UBXN7: variants seen among roughly 807,000 people sequenced by gnomAD.
The protein encoded by UBXN7 is UBX domain protein 7.
In UBXN7, 9 loss-of-function variants were observed where a neutral mutation model predicts 58.0. That is an observed-to-expected ratio of 0.16 (90% confidence interval 0.09 to 0.27). UBXN7 has a LOEUF of 0.27. Ranked by LOEUF, UBXN7 falls within the 10% of genes least tolerant of loss-of-function variation. UBXN7 has a pLI of 1.00. For synonymous variants in UBXN7, 208 were observed against 205.0 expected (o/e 1.01, Z -0.12); for missense variants, 328 against 599.6 (o/e 0.55, Z 4.73).
chr3:196,363,008 G>A (rs1427232571), intron 8 of UBXN7, among the ~76,000 whole-genome samples: 2 of 151,814 alleles, frequency 1.3e-5, no homozygotes, highest in East Asian at 1.9e-4. Context: ...AGGTTCAAGC[G>A]ATTCTCCTGC....
At chr3:196,395,314 A>T (rs995240745) in intron 3 of UBXN7, among the ~76,000 whole-genome samples, 3 of 152,256 alleles carry the variant, frequency 2.0e-5, no homozygotes, top group African/African-American at 7.2e-5. Flanking sequence ...TGCACAACAT[A>T]TTAAAAACTT....
intron 3 of UBXN7, among the ~76,000 whole-genome samples, chr3:196,402,116 GT>G (rs1730014541): frequency 6.6e-6 from 1 of 152,034 alleles, no homozygotes; most frequent in Non-Finnish European, 1.5e-5. Context: ...CAGCCTCCCG[GT>G]TTAAGCAATT....
At chr3:196,423,486 T>C in intron 1 of UBXN7, 1 of 238,060 alleles carries the variant, frequency 4.2e-6, no homozygotes, top group South Asian at 4.1e-5. Flanking sequence ...TTGGGGTACT[T>C]GTTCCCCTCC....
intron 1 of UBXN7, among the ~76,000 whole-genome samples, chr3:196,430,600 G>C (rs1476270262): frequency 6.6e-6 from 1 of 151,854 alleles, no homozygotes; most frequent in East Asian, 1.9e-4. Context: ...TTTTGCCCAG[G>C]CTGGTCTGCA....
chr3:196,387,754 T>C lies in UBXN7; in HGVS notation c.468+4059A>G, dbSNP rs544288281. Among the ~76,000 whole-genome samples the C allele has an allele frequency of 2.5e-3, 378 of 152,256 alleles. 2 individuals are homozygous for C. The highest frequency in any genetic ancestry group is 7.5e-3 in the African/African-American group (310 of 41,554). On this transcript the variant is annotated intron_variant, in intron 5 of 10. Coordinates refer to ENST00000296328, the MANE Select transcript of UBXN7 (RefSeq NM_015562.2). ...AAAACCACAATGAGATACCATCTCA[T>C]GCCAGTTAGAATGGCAATCATTAAA...
At chr3:196,422,822 CTTTA>C (rs1730729652) in intron 1 of UBXN7, among the ~76,000 whole-genome samples, 1 of 152,162 alleles carries the variant, frequency 6.6e-6, no homozygotes, top group Admixed American at 6.6e-5. Flanking sequence ...TTTTTGGCAG[CTTTA>C]TTTATAATGT....
chr3:196,358,635 G>A (rs1728417701), intron 10 of UBXN7, among the ~76,000 whole-genome samples: 1 of 152,058 alleles, frequency 6.6e-6, no homozygotes, highest in Non-Finnish European at 1.5e-5. Context: ...CAGCTACCTG[G>A]GAGGTTGAGG....
rs978478596 is a variant in UBXN7, at chr3:196,348,543, A to G, written c.*8142T>C. On this transcript the variant is annotated 3_prime_UTR_variant, in exon 11 of 11. Transcript: ENST00000296328. The stretch of plus-strand genomic sequence containing the variant: ...CACCCCCACACACACTTTGTCCAGA[A>G]TAAGTTGAGCCACAAACATCCCAGG... 2 of 152,210 alleles carry G rather than the reference A, an allele frequency of 1.3e-5. No individual in the cohort carries two copies. The highest frequency in any genetic ancestry group is 4.8e-5 in the African/African-American group (2 of 41,448). 9.4% of individuals were successfully genotyped at this position (152,210 alleles called of 1,614,324 possible).
chr3:196,378,565 G>A (rs1048672962), intron 5 of UBXN7, among the ~76,000 whole-genome samples: 1 of 152,204 alleles, frequency 6.6e-6, no homozygotes, highest in Non-Finnish European at 1.5e-5. Context: ...ATCAAGGAGT[G>A]GATTACTTAT....
chr3:196,395,541 C>A (rs1729741981), intron 3 of UBXN7, among the ~76,000 whole-genome samples: 1 of 151,282 alleles, frequency 6.6e-6, no homozygotes, highest in Non-Finnish European at 1.5e-5. Flanking sequence ...TCCTCCTAGG[C>A]TCAAGCCATC....
chr3:196,415,846 AAAG>A (rs1730464345), intron 1 of UBXN7, among the ~76,000 whole-genome samples: 1 of 152,114 alleles, frequency 6.6e-6, no homozygotes, highest in Non-Finnish European at 1.5e-5. Flanking sequence ...GCTAAAAATT[AAAG>A]GTTTCTTACA....
At chr3:196,372,892 T>G (rs1028864954) in intron 5 of UBXN7, among the ~76,000 whole-genome samples, 1 of 151,936 alleles carries the variant, frequency 6.6e-6, no homozygotes, top group East Asian at 2.0e-4. Context: ...ATTACAGGTG[T>G]GTGCCACCAT....
At chr3:196,378,201 T>G (rs1729090897) in intron 5 of UBXN7, among the ~76,000 whole-genome samples, 1 of 152,222 alleles carries the variant, frequency 6.6e-6, no homozygotes, top group Non-Finnish European at 1.5e-5. Context: ...TGGCAGAAAC[T>G]GCTTATAGGT....
rs149826367 is a variant in UBXN7, at chr3:196,365,866, T to A, written c.834+2162A>T. 8.6e-3 allele frequency among the ~76,000 whole-genome samples: 1,312 copies of A among 152,170 alleles called. 18 individuals carry two copies. Among genetic ancestry groups the A allele is most frequent in the African/African-American group, 0.03 (1,228 of 41,508 alleles). On this transcript the variant is annotated intron_variant, in intron 8 of 10. Coordinates refer to ENST00000296328, the MANE Select transcript of UBXN7 (RefSeq NM_015562.2). Reference sequence around the variant, plus strand: ...CCACCAAAAAAAAACTCTAGGCCCATGTAGCTTCACTGGTAAATGTCATCA... The same window carrying A: ...CCACCAAAAAAAAACTCTAGGCCCAAGTAGCTTCACTGGTAAATGTCATCA...
At chr3:196,421,938 C>A (rs1001150966) in intron 1 of UBXN7, among the ~76,000 whole-genome samples, 1 of 152,136 alleles carries the variant, frequency 6.6e-6, no homozygotes, top group Non-Finnish European at 1.5e-5. Flanking sequence ...GTAGCTCACG[C>A]CTGTAATCCC....
intron 3 of UBXN7, chr3:196,400,880 G>A (rs564139219): frequency 5.6e-6 from 1 of 178,364 alleles, no homozygotes; most frequent in South Asian, 9.1e-5. Context: ...AGAAGATAAA[G>A]CTTCCAAGGG....
At chr3:196,430,397 T>C (rs1471970072) in intron 1 of UBXN7, among the ~76,000 whole-genome samples, 6 of 151,942 alleles carry the variant, frequency 3.9e-5, no homozygotes, top group Admixed American at 1.3e-4. Flanking sequence ...AGTGGCTTTT[T>C]TTTTCTTTTT....
At chr3:196,365,578 T>G (rs1260896764) in intron 8 of UBXN7, among the ~76,000 whole-genome samples, 1 of 151,762 alleles carries the variant, frequency 6.6e-6, no homozygotes, top group Non-Finnish European at 1.5e-5. Flanking sequence ...TTCCGTAAGA[T>G]CAATAAAACT....
intron 1 of UBXN7, among the ~76,000 whole-genome samples, chr3:196,419,865 C>T (rs1017402353): frequency 6.6e-6 from 1 of 152,120 alleles, no homozygotes; most frequent in Admixed American, 6.6e-5. Context: ...TGTCAGCAGT[C>T]AAAGGCAACT....
Sources: gnomAD v4.1 joint callset for allele counts (sites outside exome capture counted in the v4.1 genomes callset) on GRCh38, gnomAD v4.1.1 for gene constraint, MANE v1.5 for transcripts, NCBI Gene and HGNC (gene_info 2026-07-23, HGNC 2026-07-21) for gene names.